TRIM28: variants seen among roughly 807,000 people sequenced by gnomAD.
TRIM28 encodes transcription intermediary factor 1-beta.
TRIM28 carries 8 observed loss-of-function variants against 87.4 expected under a neutral mutation model. The ratio of observed to expected loss-of-function variants is 0.09; its 90% CI spans 0.05 to 0.17. The LOEUF is 0.17. TRIM28 is among the 10% of genes least tolerant of loss of function. TRIM28 has a pLI of 1.00. For synonymous variants in TRIM28, 601 were observed against 454.3 expected (o/e 1.32, Z -4.11); for missense variants, 968 against 1,131.8 (o/e 0.86, Z 2.08).
chr19:58,550,531 GTGGCCCTGGTGA>G lies in TRIM28; in HGVS notation c.2493_2504del (p.Gly832_Pro835del). The G allele has an allele frequency of 1.2e-6, 2 of 1,609,670 alleles. No homozygotes were observed. Among genetic ancestry groups the G allele is most frequent in the Non-Finnish European group, 1.7e-6 (2 of 1,179,892 alleles). ...GGCCTGAGTTCCCAGGAGCTGTCTG[GTGGCCCTGGTGA>G]TGGCCCCTGAGGCTGGAGCCCCCAT... On this transcript the variant is annotated inframe_deletion, in exon 17 of 17. Transcript: ENST00000253024.
intron 4 of TRIM28, 31 bp from the exon 5 acceptor site, chr19:58,547,566 A>G: frequency 6.2e-7 from 1 of 1,613,608 alleles, no homozygotes; most frequent in South Asian, 1.1e-5. Context: ...TCCGTAGCTT[A>G]GTGCTCAGGA....
In TRIM28 at chr19:58,544,353, C is replaced by G. The variant is rs1052450421; in HGVS notation, c.-405C>G. 1 of 152,274 alleles carries G rather than the reference C, an allele frequency of 6.6e-6. No individual in the cohort carries two copies. Among genetic ancestry groups the G allele is most frequent in the South Asian group, 2.1e-4 (1 of 4,840 alleles). The allele number at this position is 152,274 out of a possible 1,614,324, so 9.4% of individuals were successfully genotyped here. A position where few individuals can be genotyped will look rare whatever the true frequency, so the allele number is the denominator to read the frequency against. On this transcript the variant is annotated 5_prime_UTR_variant, in exon 1 of 17. Transcript: ENST00000253024. ...GCGCGTGCGTACTGGCGGCCTCTCC[C>G]GCACCGACCGGCCTGGGCCCCGCCC... is the stretch of plus-strand genomic sequence containing the variant.
chr19:58,550,710 C>G lies in TRIM28; in HGVS notation c.*157C>G, dbSNP rs1487638583. On this transcript the variant is annotated 3_prime_UTR_variant, in exon 17 of 17. Coordinates refer to ENST00000253024, the MANE Select transcript of TRIM28 (RefSeq NM_005762.3). ...TTCTGTGGATTTAATAAAAACTTCA[C>G]CAGTTCCTCAGGCGTTGGCTGGTTG... The G allele has an allele frequency of 5.0e-6, 4 of 807,992 alleles. No homozygotes were observed. In the African/African-American group the frequency reaches 5.2e-5, roughly 11 times the overall value. The allele number at this position is 807,992 out of a possible 1,614,324, so 50.1% of individuals were successfully genotyped here.
intron 16 of TRIM28, 24 bp from the exon 17 acceptor site, chr19:58,550,352 TC>T: frequency 6.2e-7 from 1 of 1,612,744 alleles, no homozygotes; most frequent in Non-Finnish European, 8.5e-7. Flanking sequence ...GACCCATTCA[TC>T]CACTGCATTC....
At chr19:58,545,577 AG>A (rs1389993379) in intron 2 of TRIM28, 40 bp downstream of exon 2, 2 of 1,545,556 alleles carry the variant, frequency 1.3e-6, no homozygotes, top group Non-Finnish European at 1.8e-6. Flanking sequence ...GTTTCTGGGG[AG>A]GGGGCATCTG....
rs1276644433 is a variant in TRIM28 at position 58,549,316 on chromosome 19, A to G, written c.1663-15A>G. 2 of 1,570,182 alleles carry G rather than the reference A, an allele frequency of 1.3e-6. No homozygotes were observed. Among genetic ancestry groups the G allele is most frequent in the Non-Finnish European group, 1.7e-6 (2 of 1,154,906 alleles). ...GTCTGGACCCTGTTGAACACCCCTCATCACCACCTTGCAGGAGGAGGAGAC... is the reference window on the plus strand; with the variant it reads ...GTCTGGACCCTGTTGAACACCCCTCGTCACCACCTTGCAGGAGGAGGAGAC... On this transcript the variant is annotated splice_polypyrimidine_tract_variant and intron_variant, in intron 12 of 16. Transcript: ENST00000253024. This position sits in a 1 kb window ranked among gnomAD's most constrained non-coding sequence, Gnocchi z 4.4.
intron 1 of TRIM28, 123 bp from the exon 2 acceptor site, chr19:58,545,302 C>A: frequency 1.1e-6 from 1 of 943,390 alleles, no homozygotes; most frequent in Non-Finnish European, 1.6e-6. Context: ...AAAGAAGGCT[C>A]GGGGAGGGGA....
At chr19:58,548,641 A>G in intron 9 of TRIM28, 49 bp downstream of exon 9, 1 of 1,223,018 alleles carries the variant, frequency 8.2e-7, no homozygotes, top group Non-Finnish European at 1.1e-6. Flanking sequence ...AATGGGGTCC[A>G]GTAGCAGGAG....
rs2053805061 is a variant in TRIM28 at position 58,550,291 on chromosome 19, C to T, written c.2331+7C>T. 1.9e-6 allele frequency: 3 copies of T among 1,614,066 alleles called. No homozygotes were observed. Among genetic ancestry groups the T allele is most frequent in the Non-Finnish European group, 2.5e-6 (3 of 1,179,958 alleles). On this transcript the variant is annotated splice_region_variant and intron_variant, in intron 16 of 16. Coordinates refer to ENST00000253024, the MANE Select transcript of TRIM28 (RefSeq NM_005762.3). The stretch of plus-strand genomic sequence containing the variant: ...ATTCAACAAGTTAACTGAGGTGAGC[C>T]AGTGGAATGGAGAGGCTGTGGGCAG...
chr19:58,549,609 C>T lies in TRIM28; in HGVS notation c.1941C>T (p.Phe647=), dbSNP rs772714435. The T allele has an allele frequency of 8.1e-6, 13 of 1,613,808 alleles. No homozygotes were observed. In the South Asian group the frequency reaches 1.4e-4, roughly 18 times the overall value. Residue 647 remains phenylalanine (F), a synonymous_variant, in exon 13 of 17, where the codon TTC becomes TTT. Coordinates refer to ENST00000253024, the MANE Select transcript of TRIM28 (RefSeq NM_005762.3). The surrounding 1 kb of genome is among the most constrained non-coding windows in gnomAD (Gnocchi z 4.4). ...LVMCNQCEFC[F]HLDCHLPALQ... ...TGTGCAACCAGTGTGAGTTTTGTTT[C>T]CACCTGGACTGTCACCTGCCGGCCC... is the stretch of plus-strand genomic sequence containing the variant.
chr19:58,547,305 C>G, intron 3 of TRIM28, 71 bp from the exon 4 acceptor site: 1 of 1,582,612 alleles, frequency 6.3e-7, no homozygotes, highest in Non-Finnish European at 8.6e-7. Flanking sequence ...AAATGAGGCC[C>G]CAACTCATTC....
chr19:58,545,057 CAACAGCTCGGGG>C lies in TRIM28; in HGVS notation c.301_312del (p.Asn101_Gly104del). ...TAGGGCCCGCGGCCCCCGCCGCCGCCAACAGCTCGGGGGACGGCGGGGCGGCGGGCGACGGCA... is the reference window on the plus strand; with the variant it reads ...TAGGGCCCGCGGCCCCCGCCGCCGCCGACGGCGGGGCGGCGGGCGACGGCA... On this transcript the variant is annotated inframe_deletion, in exon 1 of 17. Transcript: ENST00000253024. The C allele has an allele frequency of 6.9e-7, 1 of 1,456,018 alleles. No homozygotes were observed. Among genetic ancestry groups the C allele is most frequent in the East Asian group, 2.7e-5 (1 of 37,402 alleles). 90.2% of individuals were successfully genotyped at this position (1,456,018 alleles called of 1,614,324 possible). A position where few individuals can be genotyped will look rare whatever the true frequency, so the allele number is the denominator to read the frequency against.
intron 2 of TRIM28, 52 bp from the exon 3 acceptor site, chr19:58,545,712 C>G: frequency 6.3e-7 from 1 of 1,581,342 alleles, no homozygotes; most frequent in Non-Finnish European, 8.6e-7. Flanking sequence ...GGGATGTAAA[C>G]GTGGATCTAT....
Position 58,545,220 on chromosome 19 carries a change from C to T in TRIM28, c.340+123C>T, listed in dbSNP as rs1049285340. 2.5e-4 allele frequency: 247 copies of T among 999,796 alleles called. 1 individual carries two copies. Among genetic ancestry groups the T allele is most frequent in the Non-Finnish European group, 3.3e-4 (234 of 700,652 alleles). 61.9% of individuals were successfully genotyped at this position (999,796 alleles called of 1,614,324 possible). A position where few individuals can be genotyped will look rare whatever the true frequency, so the allele number is the denominator to read the frequency against. ...GGGCCCGGACAGGGCACGGGAAATACTTTCTGGGTCCTGCATACGAACGTG... is the reference window on the plus strand; with the variant it reads ...GGGCCCGGACAGGGCACGGGAAATATTTTCTGGGTCCTGCATACGAACGTG... On this transcript the variant is annotated intron_variant, in intron 1 of 16. Transcript: ENST00000253024.
chr19:58,547,158 G>A (rs1281553410), intron 3 of TRIM28: 1 of 593,678 alleles, frequency 1.7e-6, no homozygotes, highest in South Asian at 2.1e-5. Flanking sequence ...GAAGCTAGAA[G>A]AAAGGGATGT....
In TRIM28 at chr19:58,549,375, T is replaced by C; in HGVS notation, c.1707T>C (p.Thr569=). 6.4e-7 allele frequency: 1 copy of C among 1,574,108 alleles called. No homozygotes were observed. Among genetic ancestry groups the C allele is most frequent in the South Asian group, 1.2e-5 (1 of 86,064 alleles). Reference sequence around the variant, plus strand: ...CCATTGGAGCCCCTCCTACTGCCACTGAGGGCCCTGAGACCAAACCTGTGC... The same window carrying C: ...CCATTGGAGCCCCTCCTACTGCCACCGAGGGCCCTGAGACCAAACCTGTGC... The part of the protein sequence containing the change: ...EAAIGAPPTA[T]EGPETKPVLM... The change falls in exon 13 of 17, where the codon ACT becomes ACC. Residue 569 remains threonine (T), a synonymous_variant. Coordinates refer to ENST00000253024, the MANE Select transcript of TRIM28 (RefSeq NM_005762.3). The surrounding 1 kb of genome is among the most constrained non-coding windows in gnomAD (Gnocchi z 4.4).
At position 58,548,924 on chromosome 19, in the gene TRIM28, C is replaced by T. The variant is rs942782112; in HGVS notation, c.1409+14C>T. Reference sequence around the variant, plus strand: ...AGGTGTGAAACGGTAAGTATGGCACCTCCCCTGGGGGTGAGGTGGATGGAG... The same window carrying T: ...AGGTGTGAAACGGTAAGTATGGCACTTCCCCTGGGGGTGAGGTGGATGGAG... On this transcript the variant is annotated intron_variant, in intron 11 of 16. Coordinates refer to ENST00000253024, the MANE Select transcript of TRIM28 (RefSeq NM_005762.3). 5.0e-6 allele frequency: 8 copies of T among 1,613,858 alleles called. No homozygotes were observed. The highest frequency in any genetic ancestry group is 6.8e-6 in the Non-Finnish European group (8 of 1,179,986).
rs1250914768 is a variant in TRIM28 at position 58,548,536 on chromosome 19, A to G, written c.1267A>G (p.Met423Val). Reference sequence around the variant, plus strand: ...CACTAACTCAACAGGCCCTGCACCCATGGCCCCTCCAAGAGCCCCAGGGCC... The same window carrying G: ...CACTAACTCAACAGGCCCTGCACCCGTGGCCCCTCCAAGAGCCCCAGGGCC... ...PGTNSTGPAP[M>V]APPRAPGPLS... The change falls in exon 9 of 17, where the codon ATG becomes GTG. Residue 423 changes from methionine to valine, a missense_variant. By Grantham distance (21) the Met-to-Val change is conservative. This residue lies in a region of TRIM28 where 119 missense variants were observed against 93.6 expected (regional missense o/e 1.27). Transcript: ENST00000253024. 5 of 1,613,760 alleles carry G rather than the reference A, an allele frequency of 3.1e-6. No homozygotes were observed. The highest frequency in any genetic ancestry group is 3.3e-5 in the Admixed American group (2 of 59,988).
intron 1 of TRIM28, 93 bp from the exon 2 acceptor site, chr19:58,545,332 A>G (rs994102157): frequency 9.2e-7 from 1 of 1,085,922 alleles, no homozygotes; most frequent in Non-Finnish European, 1.4e-6. Context: ...TCGCTGCGGG[A>G]TAATGGTCGG....
Sources: allele counts gnomAD v4.1 joint callset, GRCh38; gene constraint gnomAD v4.1.1; regional missense constraint gnomAD v4.1.1; non-coding constraint Gnocchi (gnomAD v3.1); transcripts MANE v1.5; gene names NCBI Gene and HGNC (gene_info 2026-07-23, HGNC 2026-07-21).